PTGR1: variants seen among roughly 807,000 people sequenced by gnomAD.
PTGR1 encodes prostaglandin reductase 1.
Under a neutral mutation model 37.7 loss-of-function variants are expected in PTGR1, and 23 were observed. That is an observed-to-expected ratio of 0.61 (90% CI 0.44 to 0.86). The LOEUF is 0.86. PTGR1 is among the 40% of genes least tolerant of loss of function. The pLI is 0.00. For missense variants in PTGR1, 351 were observed against 394.3 expected (o/e 0.89, Z 0.93); for synonymous variants, 134 against 140.0 (o/e 0.96, Z 0.30).
intron 7 of PTGR1, chr9:111,577,590 A>AT (rs1242195930): frequency 6.6e-6 from 1 of 152,288 alleles, no homozygotes; most frequent in African/African-American, 2.4e-5. Context: ...CACGCCTGTA[A>AT]TCCTAGCACT....
chr9:111,590,094 C>A (rs1422683621), intron 4 of PTGR1, among the ~76,000 whole-genome samples: 1 of 152,060 alleles, frequency 6.6e-6, no homozygotes, highest in Non-Finnish European at 1.5e-5. Flanking sequence ...ACATTTGCAA[C>A]ACTAATATCC....
chr9:111,596,797 C>T lies in PTGR1; in HGVS notation c.106+520G>A, dbSNP rs185636428. Among the ~76,000 whole-genome samples, 6 of 151,000 alleles carry T rather than the reference C, an allele frequency of 4.0e-5. No individual in the cohort carries two copies. The East Asian group carries it at 9.8e-4, about 25-fold the overall frequency. ...CAAAAATTAGGGGGGCATGGTGGCG[C>T]ACACCTGTAATCCCAGCTACTCAGG... On this transcript the variant is annotated intron_variant, in intron 2 of 9. Coordinates refer to ENST00000407693, the MANE Select transcript of PTGR1 (RefSeq NM_001146108.2).
chr9:111,574,760 T>C lies in PTGR1; in HGVS notation c.734A>G (p.Tyr245Cys), dbSNP rs368726370. 1.2e-6 allele frequency: 2 copies of C among 1,613,886 alleles called. No individual in the cohort carries two copies. Among genetic ancestry groups the C allele is most frequent in the Admixed American group, 1.7e-5 (1 of 59,970 alleles). Residue 245 changes from tyrosine to cysteine, a missense_variant, in exon 8 of 10, where the codon TAT becomes TGT. Physicochemically the swap from Tyr to Cys is radical, Grantham distance 194. Transcript: ENST00000407693. ...RIAICGAIST[Y>C]NRTGPLPPGP... Reference sequence around the variant, plus strand: ...TGGGGGAAGTGGGCCGGTTCTGTTATATGTAGAGATGGCTCCACATATGGC... The same window carrying C: ...TGGGGGAAGTGGGCCGGTTCTGTTACATGTAGAGATGGCTCCACATATGGC...
chr9:111,569,753 A>G lies in PTGR1; in HGVS notation c.879+338T>C, dbSNP rs531025228. On this transcript the variant is annotated intron_variant, in intron 9 of 9. Coordinates refer to ENST00000407693, the MANE Select transcript of PTGR1 (RefSeq NM_001146108.2). Reference sequence around the variant, plus strand: ...GCACTCCAGCCTGAGCAACAGAGTGAGACTCTGAAAAGCCTCATATGTGGG... The same window carrying G: ...GCACTCCAGCCTGAGCAACAGAGTGGGACTCTGAAAAGCCTCATATGTGGG... Among the ~76,000 whole-genome samples, 10 of 152,308 alleles carry G rather than the reference A, an allele frequency of 6.6e-5. No individual in the cohort carries two copies. In the South Asian group the frequency reaches 1.7e-3, roughly 25 times the overall value.
At chr9:111,560,964 TATATATATATAGAGAGAGAG>T (rs1177799798), downstream of PTGR1, among the ~76,000 whole-genome samples, 4 of 48,488 alleles carry the variant, frequency 8.2e-5, no homozygotes, top group East Asian at 6.4e-4. Context: ...TATATATATA[TATATATATATAGAGAGAGAG>T]AGAGAGAGAG....
At chr9:111,565,511 T>C (rs12350023) in intron 9 of PTGR1, among the ~76,000 whole-genome samples, 4,439 of 152,210 alleles carry the variant, frequency 0.029, 208 homozygotes, top group African/African-American at 0.099. Context: ...TTCCTATAAA[T>C]CTAAAACTTC....
chr9:111,570,856 A>T, intron 8 of PTGR1, among the ~76,000 whole-genome samples: 1 of 152,184 alleles, frequency 6.6e-6, no homozygotes, highest in East Asian at 1.9e-4. Context: ...ATATAACAGC[A>T]AAGGTCTTCG....
chr9:111,553,900 G>T (rs1427622625), intron 9 of PTGR1, among the ~76,000 whole-genome samples: 3 of 152,172 alleles, frequency 2.0e-5, no homozygotes, highest in Non-Finnish European at 4.4e-5. Flanking sequence ...TTCCCCAGGG[G>T]TCTTTCCAGC....
At position 111,589,794 on chromosome 9, in the gene PTGR1, C is replaced by G. The variant is rs1300963271; in HGVS notation, c.209+3132G>C. Among the ~76,000 whole-genome samples, 6 of 151,768 alleles carry G rather than the reference C, an allele frequency of 4.0e-5. No homozygotes were observed. In the East Asian group the frequency reaches 1.2e-3, roughly 30 times the overall value. ...GGATTACAAGCGCCCACCACTGTGC[C>G]CAGCTAATTTTTGTATTTTTAGTAG... On this transcript the variant is annotated intron_variant, in intron 4 of 9. Transcript: ENST00000407693.
rs533859571 is a variant in PTGR1 at position 111,578,862 on chromosome 9, C to A, written c.585G>T (p.Thr195=). The change falls in exon 7 of 10, where the codon ACG becomes ACT. Residue 195 remains threonine, a synonymous_variant. Transcript: ENST00000407693. ...TCAAGGTTTCTTCCAAAGACTCTAC[C>A]GTCTTGTAGTTAAAGACGACATCAA... ...LGFDVVFNYK[T]VESLEETLKK... 3.7e-6 allele frequency: 6 copies of A among 1,612,728 alleles called. No individual in the cohort carries two copies. The Admixed American group carries it at 5.0e-5, about 13-fold the overall frequency.
At chr9:111,555,339 C>T (rs1828089799) in intron 9 of PTGR1, among the ~76,000 whole-genome samples, 1 of 152,118 alleles carries the variant, frequency 6.6e-6, no homozygotes, top group Admixed American at 6.5e-5. Flanking sequence ...AACTCTTTAG[C>T]CTCTGATTTT....
At chr9:111,579,165 C>T (rs1003454164) in intron 6 of PTGR1, among the ~76,000 whole-genome samples, 1 of 151,776 alleles carries the variant, frequency 6.6e-6, no homozygotes, top group African/African-American at 2.4e-5. Context: ...CTTCTGACCA[C>T]CCAGCAGGTC....
intron 9 of PTGR1, among the ~76,000 whole-genome samples, chr9:111,565,659 G>A (rs1477283020): frequency 6.6e-6 from 1 of 152,012 alleles, no homozygotes; most frequent in Non-Finnish European, 1.5e-5. Context: ...GAGTAGCTGG[G>A]ACTACAGGTG....
chr9:111,579,733 C>T (rs1270319493), intron 6 of PTGR1, among the ~76,000 whole-genome samples: 1 of 152,176 alleles, frequency 6.6e-6, no homozygotes, highest in African/African-American at 2.4e-5. Context: ...GCTCGGATTA[C>T]AGGCATGAGC....
chr9:111,578,959 G>GAAA lies in PTGR1; in HGVS notation c.496-11_496-9dup. 163 of 1,245,886 alleles carry GAAA rather than the reference G, an allele frequency of 1.3e-4. No homozygotes were observed. Among genetic ancestry groups the GAAA allele is most frequent in the South Asian group, 5.9e-4 (35 of 59,662 alleles). 77.2% of individuals were successfully genotyped at this position (1,245,886 alleles called of 1,614,324 possible). ...TCCAACAACTTTGCAGCCCTAAGTAGAAAAAAAAAAAAAAAGGAAACCATG... is the reference window on the plus strand; with the variant it reads ...TCCAACAACTTTGCAGCCCTAAGTAGAAAAAAAAAAAAAAAAAAGGAAACCATG... On this transcript the variant is annotated splice_polypyrimidine_tract_variant and intron_variant, in intron 6 of 9. Transcript: ENST00000407693.
intron 7 of PTGR1, chr9:111,577,051 A>G (rs1374870467): frequency 2.0e-5 from 3 of 152,118 alleles, no homozygotes; most frequent in African/African-American, 7.2e-5. Flanking sequence ...AGATCGCGCC[A>G]CTGCACTCCA....
At chr9:111,589,745 C>T (rs1829549679) in intron 4 of PTGR1, among the ~76,000 whole-genome samples, 1 of 151,914 alleles carries the variant, frequency 6.6e-6, no homozygotes, top group Non-Finnish European at 1.5e-5. Context: ...AATGATTCTC[C>T]TGCCTCAGCT....
chr9:111,589,562 CATT>C (rs1829544954), intron 4 of PTGR1, among the ~76,000 whole-genome samples: 1 of 151,208 alleles, frequency 6.6e-6, no homozygotes, highest in Non-Finnish European at 1.5e-5. Flanking sequence ...TGCCCCCACT[CATT>C]ATTCTAATAT....
At chr9:111,554,797 C>G (rs980004173) in intron 9 of PTGR1, among the ~76,000 whole-genome samples, 17 of 152,232 alleles carry the variant, frequency 1.1e-4, no homozygotes, top group Middle Eastern at 3.4e-3. Context: ...GAAAGTGAAA[C>G]TTTGAATAAG....
Sources: gnomAD v4.1 joint callset for allele counts (sites outside exome capture counted in the v4.1 genomes callset) on GRCh38, gnomAD v4.1.1 for gene constraint, MANE v1.5 for transcripts, NCBI Gene and HGNC (gene_info 2026-07-23, HGNC 2026-07-21) for gene names.